REV3L: variants seen among roughly 807,000 people sequenced by gnomAD.
REV3L encodes the protein REV3 like, DNA directed polymerase zeta catalytic subunit, also known as DNA polymerase zeta catalytic subunit.
Under a neutral mutation model 299.4 loss-of-function variants are expected in REV3L, and 69 were observed. The ratio of observed to expected loss-of-function variants is 0.23; its 90% confidence interval spans 0.19 to 0.28. REV3L has a LOEUF of 0.28. Among genes scored for constraint, REV3L ranks in the 10% least tolerant of loss-of-function variants. The pLI, the probability that REV3L is intolerant of heterozygous loss-of-function variation, is 1.00. For missense variants in REV3L, 3,128 were observed against 3,693.8 expected (o/e 0.85, Z 3.97); for synonymous variants, 1,238 against 1,271.4 (o/e 0.97, Z 0.56).
At chr6:111,424,276 C>A (rs1785908909) in intron 1 of REV3L, among the ~76,000 whole-genome samples, 1 of 152,052 alleles carries the variant, frequency 6.6e-6, no homozygotes, top group African/African-American at 2.4e-5. Context: ...AAGAGATAGG[C>A]AAGTAACGAG....
intron 22 of REV3L, 106 bp from the exon 23 acceptor site, chr6:111,333,473 A>G: frequency 7.6e-7 from 1 of 1,309,822 alleles, no homozygotes; most frequent in East Asian, 2.5e-5. Flanking sequence ...ATAAGATTGT[A>G]TGACTTTTTT....
chr6:111,360,486 T>G (rs577884235), intron 16 of REV3L, among the ~76,000 whole-genome samples: 70 of 147,762 alleles, frequency 4.7e-4, no homozygotes, highest in Admixed American at 1.3e-3. Flanking sequence ...TTTTTTTTTT[T>G]TTTTTTAGAC....
chr6:111,319,842 T>C (rs1398895666), intron 26 of REV3L, among the ~76,000 whole-genome samples: 2 of 151,798 alleles, frequency 1.3e-5, no homozygotes, highest in East Asian at 3.9e-4. Context: ...TTTTTTTTTT[T>C]CTCTGAGATG....
chr6:111,300,026 T>C lies in REV3L; in HGVS notation c.9383A>G (p.Asp3128Gly). The C allele has an allele frequency of 1.2e-6, 2 of 1,612,820 alleles. No homozygotes were observed. The highest frequency in any genetic ancestry group is 8.5e-7 in the Non-Finnish European group (1 of 1,179,446). ...TGTGATATTGACAATTTAAAACTGG[T>C]CTAATAACTGCCGGAGATATGGTGC... ...SKAPYLRQLL[D>G]QF is the part of the protein sequence containing the mutation. The change falls in exon 32 of 32, where the codon GAC becomes GGC. Residue 3128 changes from aspartate to glycine, a missense_variant. Asp to Gly is a moderately conservative substitution (Grantham distance 94). Coordinates refer to ENST00000368802, the MANE Select transcript of REV3L (RefSeq NM_001372078.1).
At chr6:111,408,344 T>C (rs896078899) in intron 3 of REV3L, among the ~76,000 whole-genome samples, 14 of 152,168 alleles carry the variant, frequency 9.2e-5, no homozygotes, top group African/African-American at 3.4e-4. Context: ...GGCTCACGCC[T>C]GTAATCCCAG....
At chr6:111,394,597 G>A (rs1156259048) in intron 4 of REV3L, among the ~76,000 whole-genome samples, 1 of 152,060 alleles carries the variant, frequency 6.6e-6, no homozygotes, top group Non-Finnish European at 1.5e-5. Flanking sequence ...TTGCTGTGCA[G>A]AAGCTTTTAC....
chr6:111,366,788 C>T (rs558611875), intron 14 of REV3L, among the ~76,000 whole-genome samples: 3 of 152,098 alleles, frequency 2.0e-5, no homozygotes, highest in South Asian at 2.1e-4. Flanking sequence ...TGGCTGGAGA[C>T]GTGAGGTCAA....
intron 21 of REV3L, among the ~76,000 whole-genome samples, chr6:111,342,375 T>C (rs189201624): frequency 1.3e-5 from 2 of 151,816 alleles, no homozygotes; most frequent in East Asian, 3.9e-4. Flanking sequence ...CCCAGAAGAA[T>C]AGGAAGATCC....
At chr6:111,377,947 A>ACT (rs1780476352) in intron 11 of REV3L, 104 bp from the exon 12 acceptor site, 2 of 898,246 alleles carry the variant, frequency 2.2e-6, no homozygotes, top group Non-Finnish European at 3.2e-6. Flanking sequence ...ATCTAAGTTA[A>ACT]CTATAATAAT....
At chr6:111,421,718 T>C (rs1236086744) in intron 1 of REV3L, among the ~76,000 whole-genome samples, 2 of 151,920 alleles carry the variant, frequency 1.3e-5, no homozygotes, top group Non-Finnish European at 2.9e-5. Flanking sequence ...GCATATCCCA[T>C]CTCCCAAATC....
In REV3L at chr6:111,483,181, C is replaced by T; in HGVS notation, c.-293G>A. 2 of 491,004 alleles carry T rather than the reference C, an allele frequency of 4.1e-6. No homozygotes were observed. Among genetic ancestry groups the T allele is most frequent in the Non-Finnish European group, 7.1e-6 (2 of 283,084 alleles). 30.4% of individuals were successfully genotyped at this position (491,004 alleles called of 1,614,324 possible). A position where few individuals can be genotyped will look rare whatever the true frequency, so the allele number is the denominator to read the frequency against. On this transcript the variant is annotated 5_prime_UTR_variant, in exon 1 of 32. An upstream open reading frame in the 5' UTR gains an earlier in-frame stop. Transcript: ENST00000368802. ...CGGGAATCACACGGGCTCCTCGGTC[C>T]CAGGCTGCAGCTCTTGTTGCCATGA...
At chr6:111,402,461 C>T (rs1009444596) in intron 4 of REV3L, among the ~76,000 whole-genome samples, 1 of 152,164 alleles carries the variant, frequency 6.6e-6, no homozygotes, top group South Asian at 2.1e-4. Context: ...TAGTAAATGC[C>T]CTCAGGTCAA....
Position 111,430,745 on chromosome 6 carries a change from A to C in REV3L, c.140-14273T>G, listed in dbSNP as rs114878377. The C allele has an allele frequency of 2.6e-3, 4,024 of 1,570,704 alleles. 72 individuals are homozygous for C. The African/African-American group carries it at 0.049, about 19-fold the overall frequency. The stretch of plus-strand genomic sequence containing the variant: ...AGACATGCTTGAAGATAAGTTTAAA[A>C]GCAATAATTTAGAGAGAGCGCAGGA... On this transcript the variant is annotated intron_variant, in intron 1 of 31. Transcript: ENST00000368802.
At chr6:111,458,325 C>G (rs1370607363) in intron 1 of REV3L, among the ~76,000 whole-genome samples, 1 of 152,082 alleles carries the variant, frequency 6.6e-6, no homozygotes, top group Non-Finnish European at 1.5e-5. Flanking sequence ...CAGCCAACAT[C>G]ATACTGGATG....
At position 111,329,694 on chromosome 6, in the gene REV3L, A is replaced by C; in HGVS notation, c.8079T>G (p.Ile2693Met). The C allele has an allele frequency of 1.2e-6, 2 of 1,613,910 alleles. No individual in the cohort carries two copies. The highest frequency in any genetic ancestry group is 8.5e-7 in the Non-Finnish European group (1 of 1,180,032). The change falls in exon 25 of 32, where the codon ATT (isoleucine) becomes ATG (methionine). Residue 2693 changes from isoleucine (I) to methionine (M), a missense_variant. Coordinates refer to ENST00000368802, the MANE Select transcript of REV3L (RefSeq NM_001372078.1). ...GCTTCACCATAAATCTAGTCTTCAA[A>C]ATTTCTTCAAGCATTCTTGGTAGTA... ...KGVLPRMLEE[I>M]LKTRFMVKQS...
intron 18 of REV3L, 125 bp from the exon 19 acceptor site, chr6:111,351,916 G>A (rs1777606259): frequency 1.7e-6 from 1 of 580,640 alleles, no homozygotes; most frequent in East Asian, 3.0e-5. Context: ...TGCCCAGATG[G>A]AGAAGGGATG....
intron 5 of REV3L, 149 bp downstream of exon 5, chr6:111,392,727 C>CA (rs1366541304): frequency 1.9e-6 from 1 of 522,134 alleles, no homozygotes; most frequent in African/African-American, 1.9e-5. Context: ...CCTTGTAATA[C>CA]ACTAATGTCA....
At chr6:111,371,432 C>T (rs1779783718) in intron 13 of REV3L, among the ~76,000 whole-genome samples, 1 of 152,072 alleles carries the variant, frequency 6.6e-6, no homozygotes, top group Non-Finnish European at 1.5e-5. Flanking sequence ...ATTCTATTGC[C>T]CAAGCTGGAA....
intron 27 of REV3L, 66 bp from the exon 28 acceptor site, chr6:111,313,555 A>G: frequency 2.0e-6 from 3 of 1,468,952 alleles, no homozygotes; most frequent in Non-Finnish European, 2.7e-6. Flanking sequence ...TTTTATTTTT[A>G]TGTCTTTGTG....
Sources: allele counts gnomAD v4.1 joint callset (sites outside exome capture counted in the v4.1 genomes callset), GRCh38; gene constraint gnomAD v4.1.1; transcripts MANE v1.5; gene names NCBI Gene and HGNC (gene_info 2026-07-23, HGNC 2026-07-21).